The following FRMD4A variants were observed in gnomAD, a reference collection of about 807,000 sequenced individuals.
FRMD4A encodes FERM domain containing 4A.
In FRMD4A, 29 loss-of-function variants were observed where a neutral mutation model predicts 129.1. That is an observed-to-expected ratio of 0.22 (90% CI 0.17 to 0.31). The LOEUF is 0.31. Ranked by LOEUF, FRMD4A falls within the 10% of genes least tolerant of loss-of-function variation. FRMD4A has a pLI of 1.00. For synonymous variants in FRMD4A, 634 were observed against 571.6 expected (o/e 1.11, Z -1.56); for missense variants, 1,272 against 1,375.8 (o/e 0.92, Z 1.19).
intron 2 of FRMD4A, among the ~76,000 whole-genome samples, chr10:14,172,237 T>G (rs935289654): frequency 4.6e-5 from 7 of 152,192 alleles, no homozygotes; most frequent in African/African-American, 1.7e-4. Flanking sequence ...ACCTAAAAAC[T>G]GAAGGGTTTG....
intron 3 of FRMD4A, among the ~76,000 whole-genome samples, chr10:13,833,733 C>T (rs570859420): frequency 6.6e-6 from 1 of 152,042 alleles, no homozygotes; most frequent in African/African-American, 2.4e-5. Flanking sequence ...TTACAAGAGC[C>T]CACTAATCTA....
chr10:13,951,189 G>A (rs1365062264), intron 2 of FRMD4A, among the ~76,000 whole-genome samples: 1 of 152,126 alleles, frequency 6.6e-6, no homozygotes, highest in African/African-American at 2.4e-5. Context: ...ACAACCGAAT[G>A]GCCATTGGTG....
chr10:13,847,421 C>G (rs1445671000), intron 3 of FRMD4A, among the ~76,000 whole-genome samples: 1 of 152,182 alleles, frequency 6.6e-6, no homozygotes, highest in African/African-American at 2.4e-5. Context: ...GAGATTTCCC[C>G]AGACCGTTCG....
intron 2 of FRMD4A, among the ~76,000 whole-genome samples, chr10:14,106,283 T>G (rs1166123945): frequency 6.6e-6 from 1 of 152,238 alleles, no homozygotes; most frequent in East Asian, 1.9e-4. Context: ...GAATAAGAAC[T>G]ATTCAGTTTC....
chr10:13,786,840 T>C (rs1042236666), intron 5 of FRMD4A, among the ~76,000 whole-genome samples: 1 of 152,200 alleles, frequency 6.6e-6, no homozygotes, highest in Non-Finnish European at 1.5e-5. Flanking sequence ...ATATAAGGTC[T>C]GAAATAACTT....
intron 2 of FRMD4A, among the ~76,000 whole-genome samples, chr10:14,213,328 T>C (rs991436016): frequency 6.6e-6 from 1 of 152,162 alleles, no homozygotes; most frequent in Non-Finnish European, 1.5e-5. Flanking sequence ...TTATTCCACA[T>C]GTACTATGGA....
intron 12 of FRMD4A, among the ~76,000 whole-genome samples, chr10:13,714,060 A>ATATATATATATATATATATAT (rs1564673664): frequency 1.7e-5 from 2 of 120,126 alleles, no homozygotes; most frequent in African/African-American, 3.1e-5. Flanking sequence ...ATATATATAT[A>ATATATATATATATATATATAT]AAATATACTT....
chr10:14,187,711 G>C (rs141897099), intron 2 of FRMD4A, among the ~76,000 whole-genome samples: 2 of 152,238 alleles, frequency 1.3e-5, no homozygotes, highest in Non-Finnish European at 2.9e-5. Flanking sequence ...AGCCTGGGAG[G>C]TTAAGGCAGC....
At chr10:13,754,517 G>A (rs2091772176) in intron 8 of FRMD4A, among the ~76,000 whole-genome samples, 1 of 151,722 alleles carries the variant, frequency 6.6e-6, no homozygotes, top group Admixed American at 6.6e-5. Context: ...ATTACTCATG[G>A]CCCTTAAAGT....
intron 2 of FRMD4A, among the ~76,000 whole-genome samples, chr10:14,109,434 T>C (rs908787363): frequency 1.3e-5 from 2 of 152,086 alleles, no homozygotes; most frequent in Non-Finnish European, 2.9e-5. Flanking sequence ...GTAAAATGAG[T>C]GTTACACGAA....
intron 2 of FRMD4A, among the ~76,000 whole-genome samples, chr10:14,260,547 G>T (rs1035688088): frequency 4.6e-5 from 7 of 152,094 alleles, no homozygotes; most frequent in Admixed American, 2.6e-4. Flanking sequence ...TCCTTTCATG[G>T]CATGGCACCT....
At chr10:14,038,247 C>A (rs190352100) in intron 2 of FRMD4A, among the ~76,000 whole-genome samples, 1 of 152,122 alleles carries the variant, frequency 6.6e-6, no homozygotes, top group Non-Finnish European at 1.5e-5. Context: ...GGCATGAACC[C>A]GGGCGGCGGA....
chr10:13,982,497 AGGGGG>A (rs1355173487), intron 2 of FRMD4A, among the ~76,000 whole-genome samples: 2,506 of 15,058 alleles, frequency 0.17, 112 homozygotes, highest in Non-Finnish European at 0.23. Context: ...AGGGGAGGGG[AGGGGG>A]GGGAAGGGAT....
chr10:13,677,457 T>C (rs1415845038), intron 15 of FRMD4A, among the ~76,000 whole-genome samples: 2 of 152,236 alleles, frequency 1.3e-5, no homozygotes, highest in African/African-American at 2.4e-5. Context: ...ATTATTTTCG[T>C]AGCTGTTTCC....
intron 15 of FRMD4A, chr10:13,692,171 CAG>C (rs1437334197): frequency 1.0e-5 from 1 of 95,470 alleles, no homozygotes; most frequent in African/African-American, 4.4e-5. Context: ...TTTTTTGAGA[CAG>C]AGTCTTGCTC....
Position 13,655,708 on chromosome 10 carries a change from G to A in FRMD4A, c.2953+928C>T, listed in dbSNP as rs141020896. The A allele has an allele frequency of 4.7e-3, 715 of 152,182 alleles. 13 individuals carry two copies. Among genetic ancestry groups the A allele is most frequent in the Admixed American group, 0.022 (331 of 15,288 alleles). The allele number at this position is 152,182 out of a possible 1,614,324, so 9.4% of individuals were successfully genotyped here. A position where few individuals can be genotyped will look rare whatever the true frequency, so the allele number is the denominator to read the frequency against. On this transcript the variant is annotated intron_variant, in intron 22 of 24. Transcript: ENST00000357447. ...TATCTCAGGTCACTCTGTTTCCCCC[G>A]ATCTTTACCAAATTCCTGACTCAGA...
intron 2 of FRMD4A, among the ~76,000 whole-genome samples, chr10:14,127,974 C>CTTTT (rs1554766233): frequency 8.4e-5 from 5 of 59,626 alleles, no homozygotes; most frequent in African/African-American, 3.6e-4. Context: ...TTCTTTCTTT[C>CTTTT]TTTCCTTCTC....
chr10:13,654,654 G>T (rs1391978016), intron 22 of FRMD4A, 142 bp from the exon 23 acceptor site: 6 of 618,542 alleles, frequency 9.7e-6, no homozygotes, highest in Non-Finnish European at 1.7e-5. Flanking sequence ...CCAGAGCAGG[G>T]TCTCAGCATC....
chr10:13,805,548 T>C (rs1222578239), intron 4 of FRMD4A, among the ~76,000 whole-genome samples: 1 of 152,164 alleles, frequency 6.6e-6, no homozygotes, highest in African/African-American at 2.4e-5. Flanking sequence ...AAATAGATTA[T>C]GACAATCATT....
Sources: allele counts gnomAD v4.1 joint callset (sites outside exome capture counted in the v4.1 genomes callset), GRCh38; gene constraint gnomAD v4.1.1; transcripts MANE v1.5; gene names NCBI Gene and HGNC (gene_info 2026-07-23, HGNC 2026-07-21).